DLG2: variants seen among roughly 807,000 people sequenced by gnomAD.
DLG2 encodes disks large homolog 2.
Under a neutral mutation model 132.5 loss-of-function variants are expected in DLG2, and 45 were observed. The observed-to-expected ratio is 0.34, with a 90% CI of 0.27 to 0.44. DLG2 has a LOEUF of 0.44. Ranked by LOEUF, DLG2 falls within the 20% of genes least tolerant of loss-of-function variation. The probability of loss-of-function intolerance (pLI) is 1.00; values close to 1 mark genes in which losing one functional copy is unlikely to be tolerated. For missense variants in DLG2, 1,045 were observed against 1,196.9 expected, an observed-to-expected ratio of 0.87 and a Z score of 1.87; for synonymous variants, 424 against 419.6, an observed-to-expected ratio of 1.01 and a Z score of -0.13.
At chr11:84,619,366 G>A (rs558425196) in intron 6 of DLG2, among the ~76,000 whole-genome samples, 10 of 151,836 alleles carry the variant, frequency 6.6e-5, no homozygotes, top group Admixed American at 2.6e-4. Flanking sequence ...TGAAATAAAT[G>A]TATAAATGTA....
intron 7 of DLG2, among the ~76,000 whole-genome samples, chr11:84,252,548 T>TA (rs1224346738): frequency 5.9e-5 from 9 of 152,022 alleles, no homozygotes; most frequent in East Asian, 1.9e-4. Flanking sequence ...TTCTTTTTTT[T>TA]AAAAAAATTG....
intron 6 of DLG2, among the ~76,000 whole-genome samples, chr11:84,600,260 C>T (rs1160828322): frequency 2.0e-5 from 3 of 151,840 alleles, no homozygotes; most frequent in Admixed American, 6.6e-5. Context: ...AGCAAGCAGG[C>T]AGGCAGGCGG....
Position 83,874,476 on chromosome 11 carries a change from A to G in DLG2, c.1509T>C (p.His503=), listed in dbSNP as rs528416958. The change falls in exon 16 of 28, where the codon CAT becomes CAC. Residue 503 remains histidine (H), a synonymous_variant. Transcript: ENST00000376104. The part of the protein sequence containing the change: ...PDSEMTSHSQ[H]STATRQPSMT... ...TTGAAGGCTGACGAGTTGCGGTGCTATGTTGGGAATGACTGCAAGAAAAGA... is the reference window on the plus strand; with the variant it reads ...TTGAAGGCTGACGAGTTGCGGTGCTGTGTTGGGAATGACTGCAAGAAAAGA... 2.5e-6 allele frequency: 4 copies of G among 1,597,088 alleles called. No individual in the cohort carries two copies. The highest frequency in any genetic ancestry group is 1.3e-5 in the African/African-American group (1 of 74,770).
At position 83,552,475 on chromosome 11, in the gene DLG2, G is replaced by C. The variant is rs144063938; in HGVS notation, c.1941-10617C>G. Among the ~76,000 whole-genome samples, 17 of 152,168 alleles carry C rather than the reference G, an allele frequency of 1.1e-4. No individual in the cohort carries two copies. In the East Asian group the frequency reaches 3.3e-3, roughly 29 times the overall value. ...TAGGGTGCTGCTCTGGGATTGTAGA[G>C]CTCCTAGGAAGCCTCATCAGGTGCT... On this transcript the variant is annotated intron_variant, in intron 19 of 27. Coordinates refer to ENST00000376104, the MANE Select transcript of DLG2 (RefSeq NM_001142699.3).
At chr11:83,981,758 T>G (rs1280955737) in intron 11 of DLG2, among the ~76,000 whole-genome samples, 6 of 152,196 alleles carry the variant, frequency 3.9e-5, no homozygotes, top group Non-Finnish European at 8.8e-5. Context: ...AATGTATACT[T>G]AGGCTATATT....
At chr11:83,872,519 T>C (rs914726639) in intron 16 of DLG2, among the ~76,000 whole-genome samples, 2 of 152,214 alleles carry the variant, frequency 1.3e-5, no homozygotes, top group African/African-American at 4.8e-5. Context: ...GCTATTTTTT[T>C]GTAAAAGGAG....
At chr11:83,668,683 G>GTA (rs543674586) in intron 18 of DLG2, among the ~76,000 whole-genome samples, 1 of 144,460 alleles carries the variant, frequency 6.9e-6, no homozygotes, top group Non-Finnish European at 1.5e-5. Flanking sequence ...ATATGTATGT[G>GTA]TATATATATG....
intron 4 of DLG2, among the ~76,000 whole-genome samples, chr11:85,178,923 G>T (rs1435584125): frequency 2.6e-5 from 4 of 151,776 alleles, no homozygotes; most frequent in South Asian, 4.1e-4. Flanking sequence ...GGAGGATGAA[G>T]AGAACGCTGA....
intron 18 of DLG2, among the ~76,000 whole-genome samples, chr11:83,768,690 G>A (rs1215774133): frequency 6.6e-6 from 1 of 152,208 alleles, no homozygotes; most frequent in East Asian, 1.9e-4. Context: ...ACGTGGCTCA[G>A]CAGATCCTGA....
intron 6 of DLG2, among the ~76,000 whole-genome samples, chr11:84,975,141 A>C (rs768762110): frequency 1.3e-4 from 20 of 152,172 alleles, no homozygotes; most frequent in Non-Finnish European, 2.9e-4. Flanking sequence ...AATAGGGATT[A>C]CTGTTACAGG....
chr11:84,107,013 T>TGTGTGTGTGAGAGAGAGA (rs1555348732), intron 9 of DLG2, among the ~76,000 whole-genome samples: 2 of 126,106 alleles, frequency 1.6e-5, no homozygotes, highest in African/African-American at 6.1e-5. Flanking sequence ...TGTGTGTGTG[T>TGTGTGTGTGAGAGAGAGA]GAGAGAGTTT....
chr11:84,143,298 A>G (rs911107459), intron 9 of DLG2, among the ~76,000 whole-genome samples: 1 of 152,182 alleles, frequency 6.6e-6, no homozygotes, highest in Non-Finnish European at 1.5e-5. Flanking sequence ...GGGAGATAAC[A>G]TATTAGCTGG....
intron 2 of DLG2, among the ~76,000 whole-genome samples, chr11:85,621,174 G>C (rs750005016): frequency 1.3e-5 from 2 of 151,426 alleles, no homozygotes; most frequent in Non-Finnish European, 2.9e-5. Context: ...TTACAGCATG[G>C]TTTACTGAAT....
At chr11:84,397,625 C>T (rs563677734) in intron 7 of DLG2, among the ~76,000 whole-genome samples, 1 of 152,332 alleles carries the variant, frequency 6.6e-6, no homozygotes, top group Admixed American at 6.5e-5. Flanking sequence ...GAGGTTTCTG[C>T]ATGACTATGT....
At chr11:84,595,386 T>TA (rs577900730) in intron 6 of DLG2, among the ~76,000 whole-genome samples, 226 of 152,022 alleles carry the variant, frequency 1.5e-3, no homozygotes, top group Middle Eastern at 6.8e-3. Flanking sequence ...GTGCTGAGAT[T>TA]ACAGGCATGA....
intron 7 of DLG2, among the ~76,000 whole-genome samples, chr11:84,483,888 T>A (rs1455492202): frequency 6.6e-6 from 1 of 152,208 alleles, no homozygotes; most frequent in Non-Finnish European, 1.5e-5. Context: ...AACCAACTCT[T>A]GCCAGAGGCA....
rs182216664 is a variant in DLG2, at chr11:85,346,477, C to T, written c.41-61112G>A. Among the ~76,000 whole-genome samples, 44 of 152,182 alleles carry T rather than the reference C, an allele frequency of 2.9e-4. 1 individual carries two copies. Among genetic ancestry groups the T allele is most frequent in the African/African-American group, 9.9e-4 (41 of 41,486 alleles). On this transcript the variant is annotated intron_variant, in intron 3 of 27. Coordinates refer to ENST00000376104, the MANE Select transcript of DLG2 (RefSeq NM_001142699.3). ...TGCTGGGATTACAGGCTTAAGCCAC[C>T]GCGCCTGGCCAATTTTCTTAATTAC...
intron 3 of DLG2, among the ~76,000 whole-genome samples, chr11:85,355,079 A>C (rs1472103789): frequency 6.6e-6 from 1 of 152,142 alleles, no homozygotes. Context: ...CATTTAATAA[A>C]TCAGGCTTTA....
chr11:85,486,195 AAAG>A (rs2093424968), intron 3 of DLG2, among the ~76,000 whole-genome samples: 1 of 152,090 alleles, frequency 6.6e-6, no homozygotes, highest in Non-Finnish European at 1.5e-5. Context: ...CCAAAAAGGG[AAAG>A]AGGAGACCAG....
Sources: allele counts gnomAD v4.1 joint callset (sites outside exome capture counted in the v4.1 genomes callset), GRCh38; gene constraint gnomAD v4.1.1; transcripts MANE v1.5; gene names NCBI Gene and HGNC (gene_info 2026-07-23, HGNC 2026-07-21).